SPEF2: variants seen among roughly 807,000 people sequenced by gnomAD.
SPEF2 encodes sperm flagellar and cilia associated 2, also known as sperm flagella and cilia-associated protein 2.
In SPEF2, 187 loss-of-function variants were observed where a neutral mutation model predicts 224.6. That is an observed-to-expected ratio of 0.83 (90% CI 0.74 to 0.94). SPEF2 has a LOEUF of 0.94. Ranked by LOEUF, SPEF2 falls within the 40% of genes least tolerant of loss-of-function variation. SPEF2 has a pLI of 0.00. For missense variants in SPEF2, 2,170 were observed against 2,135.6 expected (o/e 1.02, Z -0.32); for synonymous variants, 715 against 707.3 (o/e 1.01, Z -0.17).
chr5:35,795,506 T>C (rs907477897), intron 32 of SPEF2, among the ~76,000 whole-genome samples, 197 bp from the exon 33 acceptor site: 2 of 152,084 alleles, frequency 1.3e-5, no homozygotes, highest in Non-Finnish European at 2.9e-5. Flanking sequence ...GATGTAAAAA[T>C]AAAAATTATG....
intron 10 of SPEF2, chr5:35,671,383 G>A (rs1461989903): frequency 1.3e-5 from 13 of 964,876 alleles, no homozygotes; most frequent in African/African-American, 1.8e-5. Context: ...GTAGCACTAA[G>A]AGAATTATTA....
At chr5:35,726,090 G>C (rs1157336619) in intron 20 of SPEF2, among the ~76,000 whole-genome samples, 1 of 152,144 alleles carries the variant, frequency 6.6e-6, no homozygotes, top group Non-Finnish European at 1.5e-5. Flanking sequence ...GTTCAAAAGT[G>C]AATATTCACT....
chr5:35,740,355 G>A (rs772737738), intron 23 of SPEF2, 88 bp downstream of exon 23: 10 of 1,530,484 alleles, frequency 6.5e-6, no homozygotes, highest in Non-Finnish European at 8.0e-6. Flanking sequence ...CCTTACTTTT[G>A]TGAAGTATGA....
chr5:35,642,474 T>A (rs1372990927), intron 3 of SPEF2, among the ~76,000 whole-genome samples: 2 of 152,222 alleles, frequency 1.3e-5, no homozygotes, highest in Admixed American at 6.5e-5. Context: ...ACCGTCCTGA[T>A]ACTGATATTG....
At position 35,641,487 on chromosome 5, in the gene SPEF2, TG is replaced by T; in HGVS notation, c.221del (p.Gly74ValfsTer39). 1 of 1,613,850 alleles carries T rather than the reference TG, an allele frequency of 6.2e-7. No homozygotes were observed. Among genetic ancestry groups the T allele is most frequent in the South Asian group, 1.1e-5 (1 of 91,078 alleles). On this transcript the variant is annotated frameshift_variant, in exon 3 of 37. Transcript: ENST00000356031. LOFTEE classifies it high-confidence loss of function. Reference sequence around the variant, plus strand: ...CGCTTGGAGCCAACACTTAACCTTCTGGGTGTGCAGTTTGATCAGAATGTGG... The same window carrying T: ...CGCTTGGAGCCAACACTTAACCTTCTGGTGTGCAGTTTGATCAGAATGTGG... ...FSRLEPTLNL[L>X]GVQFDQNVAH...
intron 10 of SPEF2, among the ~76,000 whole-genome samples, chr5:35,687,997 G>A (rs969182381): frequency 6.6e-6 from 1 of 152,168 alleles, no homozygotes; most frequent in African/African-American, 2.4e-5. Flanking sequence ...TGTTGAATAA[G>A]CAGGAAAAGA....
chr5:35,631,387 T>C (rs1745103542), intron 2 of SPEF2, among the ~76,000 whole-genome samples: 1 of 152,054 alleles, frequency 6.6e-6, no homozygotes. Flanking sequence ...AGTTAGTGAT[T>C]AGGAAAATGC....
intron 10 of SPEF2, among the ~76,000 whole-genome samples, chr5:35,684,665 A>T (rs1171183157): frequency 6.6e-6 from 1 of 152,300 alleles, no homozygotes; most frequent in African/African-American, 2.4e-5. Context: ...CTTTACAACA[A>T]TCTGGTGAAA....
intron 20 of SPEF2, among the ~76,000 whole-genome samples, chr5:35,720,751 T>C (rs1743500115): frequency 6.6e-6 from 1 of 152,178 alleles, no homozygotes; most frequent in Admixed American, 6.5e-5. Flanking sequence ...CTAAAGAAGA[T>C]TGAGCATCAT....
rs565351547 is a variant in SPEF2, at chr5:35,811,878, G to A, written c.5380-2586G>A. On this transcript the variant is annotated intron_variant, in intron 36 of 36. Coordinates refer to ENST00000356031, the MANE Select transcript of SPEF2 (RefSeq NM_024867.4). ...TGGCTCACTGCAAGCTGCACCTCCCGGGTTCACGCCATTCTCCTGCCTCAG... is the reference window on the plus strand; with the variant it reads ...TGGCTCACTGCAAGCTGCACCTCCCAGGTTCACGCCATTCTCCTGCCTCAG... 1.1e-3 allele frequency among the ~76,000 whole-genome samples: 158 copies of A among 149,390 alleles called. 4 individuals carry two copies. In the South Asian group the frequency reaches 0.03, roughly 28 times the overall value.
chr5:35,624,492 T>C (rs1743954171), intron 1 of SPEF2, among the ~76,000 whole-genome samples: 1 of 152,152 alleles, frequency 6.6e-6, no homozygotes, highest in South Asian at 2.1e-4. Flanking sequence ...GTCATAGTAT[T>C]CAGTGACATT....
chr5:35,651,355 A>C (rs1360962322), intron 6 of SPEF2, among the ~76,000 whole-genome samples: 1 of 152,152 alleles, frequency 6.6e-6, no homozygotes, highest in Non-Finnish European at 1.5e-5. Context: ...AAAGATTTCC[A>C]GCAGAGGGCA....
At chr5:35,738,839 T>A (rs1250558078) in intron 21 of SPEF2, among the ~76,000 whole-genome samples, 1 of 152,028 alleles carries the variant, frequency 6.6e-6, no homozygotes, top group Non-Finnish European at 1.5e-5. Context: ...TTCAACATTA[T>A]CTCGTCTCTT....
chr5:35,643,478 A>G (rs1208937092), intron 3 of SPEF2: 4 of 455,948 alleles, frequency 8.8e-6, no homozygotes, highest in Non-Finnish European at 1.8e-5. Context: ...CAAGTGAAGT[A>G]TGAGATTGCT....
At chr5:35,656,382 C>T (rs145061221) in intron 7 of SPEF2, among the ~76,000 whole-genome samples, 3 of 152,156 alleles carry the variant, frequency 2.0e-5, no homozygotes, top group African/African-American at 7.2e-5. Context: ...CTGCACATCT[C>T]TTTGTGCTAG....
In SPEF2 at chr5:35,776,403, A is replaced by G. The variant is rs747839974; in HGVS notation, c.4217+8A>G. Reference sequence around the variant, plus strand: ...TTTGAATGAAATGGCCAGGTAAAGTACTACATGACTTTCTGAAAATATGCT... The same window carrying G: ...TTTGAATGAAATGGCCAGGTAAAGTGCTACATGACTTTCTGAAAATATGCT... On this transcript the variant is annotated splice_region_variant and intron_variant, in intron 29 of 36. Coordinates refer to ENST00000356031, the MANE Select transcript of SPEF2 (RefSeq NM_024867.4). 6.3e-7 allele frequency: 1 copy of G among 1,593,336 alleles called. No individual in the cohort carries two copies. Among genetic ancestry groups the G allele is most frequent in the Admixed American group, 1.9e-5 (1 of 53,724 alleles).
Position 35,710,702 on chromosome 5 carries a change from A to G in SPEF2, c.2839+1581A>G. The G allele has an allele frequency of 8.1e-6, 8 of 985,204 alleles. No homozygotes were observed. The South Asian group carries it at 1.4e-4, about 17-fold the overall frequency. 61.0% of individuals were successfully genotyped at this position (985,204 alleles called of 1,614,324 possible). On this transcript the variant is annotated intron_variant, in intron 19 of 36. Coordinates refer to ENST00000356031, the MANE Select transcript of SPEF2 (RefSeq NM_024867.4). ...CAGCTTGCTCCAGTCAAGAGTATCT[A>G]TGTATTTGAGCCATTTCCTGAAACC... is the stretch of plus-strand genomic sequence containing the variant.
Position 35,704,591 on chromosome 5 carries a change from C to A in SPEF2, c.2436C>A (p.Ile812=), listed in dbSNP as rs1443323974. ...ELSYKTAHED[I]SQRVAAENQD... is the part of the protein sequence containing the mutation. Reference sequence around the variant, plus strand: ...CCTATAAAACTGCTCACGAAGATATCAGTCAACGTGTAGCTGCTGAAAACC... The same window carrying A: ...CCTATAAAACTGCTCACGAAGATATAAGTCAACGTGTAGCTGCTGAAAACC... The change falls in exon 17 of 37, where the codon ATC becomes ATA. Residue 812 remains isoleucine, a synonymous_variant. Coordinates refer to ENST00000356031, the MANE Select transcript of SPEF2 (RefSeq NM_024867.4). 2.5e-6 allele frequency: 4 copies of A among 1,612,576 alleles called. No individual in the cohort carries two copies. The highest frequency in any genetic ancestry group is 3.4e-6 in the Non-Finnish European group (4 of 1,179,196).
chr5:35,767,769 G>A (rs1040125322), intron 26 of SPEF2, among the ~76,000 whole-genome samples: 3 of 151,978 alleles, frequency 2.0e-5, no homozygotes, highest in Non-Finnish European at 4.4e-5. Flanking sequence ...TTTTATAAAT[G>A]GGATATGATG....
Sources: allele counts gnomAD v4.1 joint callset (sites outside exome capture counted in the v4.1 genomes callset), GRCh38; gene constraint gnomAD v4.1.1; transcripts MANE v1.5; gene names NCBI Gene and HGNC (gene_info 2026-07-23, HGNC 2026-07-21).